The following SYCP2L variants were observed in gnomAD, a reference collection of about 807,000 sequenced individuals.
SYCP2L encodes the protein synaptonemal complex protein 2 like, also known as synaptonemal complex protein 2-like.
In SYCP2L, 98 loss-of-function variants were observed where a neutral mutation model predicts 125.8. The observed-to-expected ratio is 0.78, with a 90% CI of 0.66 to 0.92. The LOEUF (loss-of-function observed/expected upper bound fraction) is 0.92. SYCP2L is among the 40% of genes least tolerant of loss of function. SYCP2L has a pLI of 0.00. For missense variants in SYCP2L, 842 were observed against 936.4 expected (o/e 0.90, Z 1.32); for synonymous variants, 317 against 325.4 (o/e 0.97, Z 0.28).
chr6:10,888,345 T>A (rs1780117103), intron 1 of SYCP2L, among the ~76,000 whole-genome samples: 1 of 152,126 alleles, frequency 6.6e-6, no homozygotes, highest in Non-Finnish European at 1.5e-5. Flanking sequence ...TCTGCCCGCT[T>A]CGGCCTCCCA....
intron 29 of SYCP2L, among the ~76,000 whole-genome samples, chr6:10,968,509 G>A (rs959725197): frequency 3.9e-5 from 6 of 152,154 alleles, no homozygotes; most frequent in African/African-American, 1.4e-4. Flanking sequence ...GGAAGTCATG[G>A]GATATCAGAG....
intron 29 of SYCP2L, among the ~76,000 whole-genome samples, chr6:10,967,599 T>C (rs778685012): frequency 6.6e-6 from 1 of 152,096 alleles, no homozygotes; most frequent in African/African-American, 2.4e-5. Flanking sequence ...ACCTGATCAA[T>C]AGAATAACCA....
chr6:10,936,799 T>C (rs536729933), intron 21 of SYCP2L, among the ~76,000 whole-genome samples: 1 of 152,302 alleles, frequency 6.6e-6, no homozygotes, highest in South Asian at 2.1e-4. Flanking sequence ...GATGTGGTTA[T>C]ACCTACATCA....
At chr6:10,893,798 CAGTT>C (rs1780212480) in intron 2 of SYCP2L, 65 bp from the exon 3 acceptor site, 1 of 1,505,056 alleles carries the variant, frequency 6.6e-7, no homozygotes, top group Non-Finnish European at 9.0e-7. Flanking sequence ...ATAATGAGAT[CAGTT>C]AGAAAATTAC....
At chr6:10,967,375 T>G (rs1781700017) in intron 29 of SYCP2L, among the ~76,000 whole-genome samples, 2 of 151,428 alleles carry the variant, frequency 1.3e-5, no homozygotes, top group African/African-American at 2.4e-5. Context: ...TAGATCAGTC[T>G]CAAATGAACA....
chr6:10,906,860 A>C (rs911249275), intron 9 of SYCP2L, among the ~76,000 whole-genome samples: 1 of 151,894 alleles, frequency 6.6e-6, no homozygotes, highest in Non-Finnish European at 1.5e-5. Flanking sequence ...CGGCCTCCCA[A>C]AGTGCTGGGA....
At chr6:10,921,073 G>A (rs939012758) in intron 14 of SYCP2L, among the ~76,000 whole-genome samples, 2 of 152,174 alleles carry the variant, frequency 1.3e-5, no homozygotes, top group East Asian at 1.9e-4. Flanking sequence ...TGTGTTCCCC[G>A]CAATGTGTCC....
At chr6:10,937,295 T>C (rs73446342) in intron 21 of SYCP2L, among the ~76,000 whole-genome samples, 32,667 of 151,984 alleles carry the variant, frequency 0.21, 4,258 homozygotes, top group East Asian at 0.43. Context: ...AGGAGGAAGA[T>C]TGGAAAATTC....
At chr6:10,915,391 C>T (rs536426362) in intron 14 of SYCP2L, among the ~76,000 whole-genome samples, 1 of 152,262 alleles carries the variant, frequency 6.6e-6, no homozygotes, top group South Asian at 2.1e-4. Flanking sequence ...GCATCCTTGT[C>T]CTGTTCCAGT....
intron 4 of SYCP2L, among the ~76,000 whole-genome samples, chr6:10,895,767 C>T (rs889965293): frequency 6.0e-5 from 9 of 150,944 alleles, no homozygotes; most frequent in African/African-American, 1.9e-4. Flanking sequence ...GGATTACAGG[C>T]GTGAGCTCCC....
In SYCP2L at chr6:10,894,213, C is replaced by T; in HGVS notation, c.336+9C>T. The T allele has an allele frequency of 2.5e-6, 4 of 1,610,766 alleles. No homozygotes were observed. The highest frequency in any genetic ancestry group is 3.4e-6 in the Non-Finnish European group (4 of 1,179,440). On this transcript the variant is annotated intron_variant, in intron 4 of 29. Coordinates refer to ENST00000283141, the MANE Select transcript of SYCP2L (RefSeq NM_001040274.3). ...AGGGACTGATCCCAAAGATAAGTGT[C>T]CTATTTTAATTTTATATGGCTTTGG...
At position 10,887,153 on chromosome 6, in the gene SYCP2L, G is replaced by A; in HGVS notation, c.9+18G>A. On this transcript the variant is annotated intron_variant, in intron 1 of 29. Coordinates refer to ENST00000283141, the MANE Select transcript of SYCP2L (RefSeq NM_001040274.3). ...TGCAAGCGGTGAGTGACCCCCGAAG[G>A]GCCCGGACCTTCTGTCCACAGTGCT... is the stretch of plus-strand genomic sequence containing the variant. 1 of 1,614,082 alleles carries A rather than the reference G, an allele frequency of 6.2e-7. No individual in the cohort carries two copies. Among genetic ancestry groups the A allele is most frequent in the East Asian group, 2.2e-5 (1 of 44,876 alleles).
chr6:10,910,690 T>G, intron 11 of SYCP2L, 134 bp from the exon 12 acceptor site: 1 of 935,938 alleles, frequency 1.1e-6, no homozygotes. Context: ...TTTGCAGGCT[T>G]GAAACCCCCT....
At chr6:10,937,363 A>G (rs1167621095) in intron 21 of SYCP2L, among the ~76,000 whole-genome samples, 1 of 152,248 alleles carries the variant, frequency 6.6e-6, no homozygotes, top group Non-Finnish European at 1.5e-5. Context: ...CAAATAAATT[A>G]AAAGGGAAAT....
intron 23 of SYCP2L, among the ~76,000 whole-genome samples, chr6:10,949,134 T>G (rs1781366050): frequency 6.6e-6 from 1 of 152,150 alleles, no homozygotes; most frequent in Non-Finnish European, 1.5e-5. Context: ...TTGTTTTCTC[T>G]TCTGTTGTTA....
At chr6:10,943,828 T>G (rs1280442774) in intron 23 of SYCP2L, among the ~76,000 whole-genome samples, 3 of 152,246 alleles carry the variant, frequency 2.0e-5, no homozygotes, top group Non-Finnish European at 4.4e-5. Context: ...ATACATTATA[T>G]GTGGCTTCTT....
rs188370454 is a variant in SYCP2L, at chr6:10,971,314, C to T, written c.*38-2638C>T. ...TCTACTAAAAATACAAAAAATTAGCCGGGTGTGGTGGCACGAGGCTGTAGT... is the reference window on the plus strand; with the variant it reads ...TCTACTAAAAATACAAAAAATTAGCTGGGTGTGGTGGCACGAGGCTGTAGT... On this transcript the variant is annotated intron_variant, in intron 29 of 29. Coordinates refer to ENST00000283141, the MANE Select transcript of SYCP2L (RefSeq NM_001040274.3). Among the ~76,000 whole-genome samples, 503 of 151,642 alleles carry T rather than the reference C, an allele frequency of 3.3e-3. 3 individuals carry two copies. Among genetic ancestry groups the T allele is most frequent in the African/African-American group, 0.011 (469 of 41,366 alleles).
chr6:10,970,125 G>A (rs768785766), intron 29 of SYCP2L, among the ~76,000 whole-genome samples: 2 of 152,304 alleles, frequency 1.3e-5, no homozygotes, highest in South Asian at 2.1e-4. Context: ...GACTCACAGC[G>A]TGGAAGGAGG....
chr6:10,944,719 A>T (rs1316964811), intron 23 of SYCP2L, among the ~76,000 whole-genome samples: 1 of 151,794 alleles, frequency 6.6e-6, no homozygotes, highest in African/African-American at 2.4e-5. Flanking sequence ...TTTATTTTTT[A>T]ATTTTTTTAT....
Sources: gnomAD v4.1 joint callset for allele counts (sites outside exome capture counted in the v4.1 genomes callset) on GRCh38, gnomAD v4.1.1 for gene constraint, MANE v1.5 for transcripts, NCBI Gene and HGNC (gene_info 2026-07-23, HGNC 2026-07-21) for gene names.